GAMT: variants seen among roughly 807,000 people sequenced by gnomAD.
GAMT encodes the protein epididymis secretory protein Li 20.
Under a neutral mutation model 26.9 loss-of-function variants are expected in GAMT, and 26 were observed. The observed-to-expected ratio is 0.97, with a 90% CI of 0.71 to 1.34. The LOEUF is 1.34. Ranked by LOEUF, GAMT falls within the 40% of genes most tolerant of loss-of-function variation. The pLI, the probability that GAMT is intolerant of heterozygous loss-of-function variation, is 0.00. For synonymous variants in GAMT, 169 were observed against 149.6 expected, an observed-to-expected ratio of 1.13 and a Z score of -0.95; for missense variants, 412 against 345.0, an observed-to-expected ratio of 1.19 and a Z score of -1.54.
chr19:1,400,089 A>T, intron 1 of GAMT, 151 bp from the exon 2 acceptor site: 1 of 692,576 alleles, frequency 1.4e-6, no homozygotes, highest in Non-Finnish European at 2.1e-6. Context: ...GGGGGCGTGC[A>T]GAGCAGGGCT....
chr19:1,397,947 G>T, intron 5 of GAMT: 1 of 1,070,102 alleles, frequency 9.3e-7, no homozygotes, highest in Non-Finnish European at 1.1e-6. Context: ...CCAGGCAGAG[G>T]GAACAGCGAG....
chr19:1,399,687 A>T lies in GAMT; in HGVS notation c.328-100T>A. 1 of 1,526,242 alleles carries T rather than the reference A, an allele frequency of 6.6e-7. No homozygotes were observed. The highest frequency in any genetic ancestry group is 8.8e-7 in the Non-Finnish European group (1 of 1,132,860). The allele number at this position is 1,526,242 out of a possible 1,614,324, so 94.5% of individuals were successfully genotyped here. On this transcript the variant is annotated intron_variant, in intron 2 of 5. Transcript: ENST00000252288. The surrounding 1 kb of genome is among the most constrained non-coding windows in gnomAD (Gnocchi z 6.2). ...CGGCCAGGGGGACTCCCGAGAGAGA[A>T]GACCACCTCCTCCACCTCTGACAGC...
At chr19:1,398,785 A>G (rs1216441029) in intron 5 of GAMT, 131 bp downstream of exon 5, 3 of 1,552,358 alleles carry the variant, frequency 1.9e-6, no homozygotes, top group Non-Finnish European at 2.6e-6. Flanking sequence ...TAAATGAACC[A>G]GCACAGTCCA....
At chr19:1,401,083 T>C (rs2144640449) in intron 1 of GAMT, among the ~76,000 whole-genome samples, 1 of 152,328 alleles carries the variant, frequency 6.6e-6, no homozygotes, top group Admixed American at 6.5e-5. Context: ...AGGAAGTTTC[T>C]GGTACTTAGG....
Position 1,401,347 on chromosome 19 carries a change from G to T in GAMT, c.130C>A (p.Arg44Ser), listed in dbSNP as rs1449794637. 6.5e-7 allele frequency: 1 copy of T among 1,537,582 alleles called. No individual in the cohort carries two copies. ...GCGTGCATATAGGGGGTCTCCCAGCGCTCCATCACCGGCTTGCCCAGGATG... is the reference window on the plus strand; with the variant it reads ...GCGTGCATATAGGGGGTCTCCCAGCTCTCCATCACCGGCTTGCCCAGGATG... Reference protein sequence around the residue: ...LRILGKPVMERWETPYMHALA... With the variant: ...LRILGKPVMESWETPYMHALA... Residue 44 changes from arginine (R) to serine (S), a missense_variant, in exon 1 of 6, where the codon CGC becomes AGC. Transcript: ENST00000252288.
chr19:1,399,203 G>C lies in GAMT; in HGVS notation c.392-8C>G. 1 of 1,613,372 alleles carries C rather than the reference G, an allele frequency of 6.2e-7. No individual in the cohort carries two copies. The highest frequency in any genetic ancestry group is 8.5e-7 in the Non-Finnish European group (1 of 1,179,946). ...ACGTGTCGTACAGGATCCCTGCACG[G>C]AGAACAGAAGCCCACGCGGTCAGGG... is the stretch of plus-strand genomic sequence containing the variant. On this transcript the variant is annotated splice_polypyrimidine_tract_variant and splice_region_variant and intron_variant, in intron 3 of 5. Transcript: ENST00000252288. The surrounding 1 kb of genome is among the most constrained non-coding windows in gnomAD (Gnocchi z 6.2).
chr19:1,397,592 C>T, intron 5 of GAMT, 93 bp from the exon 6 acceptor site: 1 of 1,560,492 alleles, frequency 6.4e-7, no homozygotes, highest in Non-Finnish European at 8.7e-7. Flanking sequence ...TTACAGATGG[C>T]AAGGCCCGGG....
intron 5 of GAMT, chr19:1,398,604 T>G: frequency 1.0e-5 from 8 of 790,804 alleles, no homozygotes; most frequent in Non-Finnish European, 1.4e-5. Flanking sequence ...CCCAGCTAGT[T>G]TTTTGTATTT....
chr19:1,398,807 G>T (rs2082615778), intron 5 of GAMT, 109 bp downstream of exon 5: 1 of 1,560,454 alleles, frequency 6.4e-7, no homozygotes, highest in Non-Finnish European at 8.7e-7. Context: ...CCCACCCAGG[G>T]GGTCAGGAAG....
Position 1,399,300 on chromosome 19 carries a change from G to A in GAMT, c.392-105C>T, listed in dbSNP as rs770240434. On this transcript the variant is annotated intron_variant, in intron 3 of 5. Transcript: ENST00000252288. The surrounding 1 kb of genome is among the most constrained non-coding windows in gnomAD (Gnocchi z 6.2). ...GGTGGAGGTGCAGTGAGACGGGGCC[G>A]TGGGTAGAGGTGGGGCTCCCACACA... 2.5e-5 allele frequency: 32 copies of A among 1,274,058 alleles called. No individual in the cohort carries two copies. The highest frequency in any genetic ancestry group is 4.8e-5 in the South Asian group (4 of 82,774). The allele number at this position is 1,274,058 out of a possible 1,614,324, so 78.9% of individuals were successfully genotyped here. A position where few individuals can be genotyped will look rare whatever the true frequency, so the allele number is the denominator to read the frequency against.
chr19:1,398,175 G>A (rs576976148), intron 5 of GAMT: 112 of 721,834 alleles, frequency 1.6e-4, no homozygotes, highest in Non-Finnish European at 1.9e-4. Context: ...TCGGCTCACA[G>A]CAACCTCCGC....
At chr19:1,397,633 C>T in intron 5 of GAMT, 134 bp from the exon 6 acceptor site, 1 of 1,444,782 alleles carries the variant, frequency 6.9e-7, no homozygotes. Flanking sequence ...GGGCACGTGG[C>T]AGGGCAGCCC....
chr19:1,400,083 G>A, intron 1 of GAMT, 145 bp from the exon 2 acceptor site: 1 of 951,490 alleles, frequency 1.1e-6, no homozygotes, highest in Non-Finnish European at 1.6e-6. Context: ...CTGGAGGGGG[G>A]CGTGCAGAGC....
In GAMT at chr19:1,397,404, G is replaced by A; in HGVS notation, c.666C>T (p.Tyr222=). The A allele has an allele frequency of 1.2e-6, 2 of 1,612,106 alleles. No homozygotes were observed. The highest frequency in any genetic ancestry group is 1.7e-6 in the Non-Finnish European group (2 of 1,179,842). ...MALVPPADCR[Y]YAFPQMITPL... ...GCGTGATCATCTGTGGGAAGGCGTA[G>A]TAGCGGCAGTCGGCCGGTGGGACCA... Residue 222 remains tyrosine (Y), a synonymous_variant, in exon 6 of 6, where the codon TAC becomes TAT. Coordinates refer to ENST00000252288, the MANE Select transcript of GAMT (RefSeq NM_000156.6).
Position 1,399,849 on chromosome 19 carries a change from A to C in GAMT, c.271T>G (p.Cys91Gly). The C allele has an allele frequency of 6.3e-7, 1 of 1,598,602 alleles. No individual in the cohort carries two copies. Among genetic ancestry groups the C allele is most frequent in the Non-Finnish European group, 8.5e-7 (1 of 1,173,406 alleles). Residue 91 changes from cysteine (C) to glycine (G), a missense_variant, in exon 2 of 6, where the codon TGC becomes GGC. By Grantham distance (159) the Cys-to-Gly change is radical. Coordinates refer to ENST00000252288, the MANE Select transcript of GAMT (RefSeq NM_000156.6). The surrounding 1 kb of genome is among the most constrained non-coding windows in gnomAD (Gnocchi z 6.2). ...AGCCGCTGGAAGACGCCGTCATTGCACTCGATGATCCAATGCTCATCAATG... is the reference window on the plus strand; with the variant it reads ...AGCCGCTGGAAGACGCCGTCATTGCCCTCGATGATCCAATGCTCATCAATG... ...APIDEHWIIECNDGVFQRLRD... is the reference protein window; with the variant it reads ...APIDEHWIIEGNDGVFQRLRD...
At chr19:1,397,732 G>A (rs1165221665) in intron 5 of GAMT, 16 of 1,410,414 alleles carry the variant, frequency 1.1e-5, no homozygotes, top group Non-Finnish European at 1.4e-5. Flanking sequence ...CCACACTCGA[G>A]CCACCCCCGG....
chr19:1,397,607 C>T lies in GAMT; in HGVS notation c.571-108G>A, dbSNP rs1256975801. 1.4e-5 allele frequency: 22 copies of T among 1,518,542 alleles called. 1 individual carries two copies. Among genetic ancestry groups the T allele is most frequent in the South Asian group, 2.3e-5 (2 of 86,418 alleles). 94.1% of individuals were successfully genotyped at this position (1,518,542 alleles called of 1,614,324 possible). ...TTACAGATGGCAAGGCCCGGGTGGGCGGCTGCAGCTCCCGTGGGCACGTGG... is the reference window on the plus strand; with the variant it reads ...TTACAGATGGCAAGGCCCGGGTGGGTGGCTGCAGCTCCCGTGGGCACGTGG... On this transcript the variant is annotated intron_variant, in intron 5 of 5. Transcript: ENST00000252288.
rs763227067 is a variant in GAMT, at chr19:1,399,572, C to T, written c.343G>A (p.Gly115Ser). The T allele has an allele frequency of 1.2e-6, 2 of 1,612,996 alleles. No homozygotes were observed. Among genetic ancestry groups the T allele is most frequent in the East Asian group, 2.2e-5 (1 of 44,894 alleles). ...GTGGGTGCCACATCCTCCCACAGGC[C>T]TTTCAAGGGGATGACCTTGCAGAGG... ...RQTHKVIPLK[G>S]LWEDVAPTLP... is the part of the protein sequence containing the mutation. Residue 115 changes from glycine (G) to serine (S), a missense_variant, in exon 3 of 6, where the codon GGC becomes AGC. Physicochemically the swap from Gly to Ser is moderately conservative, Grantham distance 56. Transcript: ENST00000252288. The surrounding 1 kb of genome is among the most constrained non-coding windows in gnomAD (Gnocchi z 6.2).
At chr19:1,398,228 G>C (rs920450995) in intron 5 of GAMT, 5 of 334,442 alleles carry the variant, frequency 1.5e-5, no homozygotes, top group Non-Finnish European at 2.2e-5. Context: ...CTCCCGAGTA[G>C]CTGGAATTAC....
Sources: allele counts gnomAD v4.1 joint callset (sites outside exome capture counted in the v4.1 genomes callset), GRCh38; gene constraint gnomAD v4.1.1; non-coding constraint Gnocchi (gnomAD v3.1); transcripts MANE v1.5; gene names NCBI Gene and HGNC (gene_info 2026-07-23, HGNC 2026-07-21).